Variants in STPG4 observed in about 807,000 individuals in gnomAD.
The protein encoded by STPG4 is protein STPG4.
STPG4 carries 41 observed loss-of-function variants against 31.5 expected under a neutral mutation model. That is an observed-to-expected ratio of 1.30 (90% CI 1.01 to 1.69). The LOEUF (loss-of-function observed/expected upper bound fraction) is 1.69. Among genes scored for constraint, STPG4 ranks in the 40% most tolerant of loss-of-function variants. The pLI, the probability that STPG4 is intolerant of heterozygous loss-of-function variation, is 0.00. For missense variants in STPG4, 375 were observed against 293.4 expected, an observed-to-expected ratio of 1.28 and a Z score of -2.03; for synonymous variants, 141 against 103.0, an observed-to-expected ratio of 1.37 and a Z score of -2.24.
In STPG4 at chr2:47,120,100, G is replaced by A. The variant is rs537350782; in HGVS notation, c.519+9841C>T. On this transcript the variant is annotated intron_variant, in intron 5 of 6. Transcript: ENST00000445927. ...AATCCCAGCCCTTTGGGAGGCTAAC[G>A]TGGGTGGATCACTTAAGGTCAGGAG... Among the ~76,000 whole-genome samples the A allele has an allele frequency of 7.9e-5, 12 of 152,328 alleles. No homozygotes were observed. The East Asian group carries it at 1.9e-3, about 25-fold the overall frequency.
chr2:47,132,781 C>T (rs1419981349), intron 3 of STPG4, among the ~76,000 whole-genome samples: 3 of 151,960 alleles, frequency 2.0e-5, no homozygotes, highest in South Asian at 2.1e-4. Flanking sequence ...CTCTCTCTCT[C>T]GCACATACAC....
chr2:47,142,293 G>C (rs377729297), intron 3 of STPG4, among the ~76,000 whole-genome samples: 3 of 152,020 alleles, frequency 2.0e-5, no homozygotes, highest in African/African-American at 7.2e-5. Flanking sequence ...AGATACAGGG[G>C]CAGGGAGGGA....
chr2:47,112,297 GC>G (rs1686054260), intron 5 of STPG4, among the ~76,000 whole-genome samples: 1 of 152,012 alleles, frequency 6.6e-6, no homozygotes, highest in African/African-American at 2.4e-5. Context: ...CTCCCAAGTA[GC>G]TGGGATTACA....
At chr2:47,137,655 T>C (rs867492625) in intron 3 of STPG4, among the ~76,000 whole-genome samples, 4 of 152,236 alleles carry the variant, frequency 2.6e-5, no homozygotes, top group Non-Finnish European at 4.4e-5. Context: ...TTCAATTTAA[T>C]AGATATAGGC....
intron 5 of STPG4, among the ~76,000 whole-genome samples, chr2:47,095,121 C>T (rs1340420663): frequency 6.6e-6 from 1 of 152,192 alleles, no homozygotes; most frequent in African/African-American, 2.4e-5. Context: ...CTGTGAATTT[C>T]CATTGTGTTG....
At chr2:47,090,247 G>A (rs769151469) in intron 6 of STPG4, 23 bp downstream of exon 6, 359 of 1,499,736 alleles carry the variant, frequency 2.4e-4, no homozygotes, top group Non-Finnish European at 3.1e-4. Flanking sequence ...GGTGGGGGGC[G>A]ATCTGTCTTT....
intron 5 of STPG4, among the ~76,000 whole-genome samples, chr2:47,120,010 T>G (rs1023983308): frequency 1.3e-5 from 2 of 152,054 alleles, no homozygotes; most frequent in Non-Finnish European, 2.9e-5. Flanking sequence ...TGATTTGCAG[T>G]TGGATAAAAA....
chr2:47,087,346 G>T (rs550859953), intron 6 of STPG4, among the ~76,000 whole-genome samples: 2 of 152,228 alleles, frequency 1.3e-5, no homozygotes, highest in Admixed American at 6.5e-5. Context: ...GAGGCTGGAG[G>T]GGGGCTAACA....
At chr2:47,105,004 A>C (rs1287478030) in intron 5 of STPG4, among the ~76,000 whole-genome samples, 1 of 151,928 alleles carries the variant, frequency 6.6e-6, no homozygotes, top group African/African-American at 2.4e-5. Flanking sequence ...ATACAGTGAG[A>C]TAGCCAGACC....
chr2:47,129,838 G>C, intron 5 of STPG4, 103 bp downstream of exon 5: 2 of 1,423,150 alleles, frequency 1.4e-6, no homozygotes, highest in Non-Finnish European at 9.6e-7. Context: ...TAGGGGGAAC[G>C]ATCACTGGAG....
At chr2:47,137,544 G>A (rs930136480) in intron 3 of STPG4, among the ~76,000 whole-genome samples, 7 of 152,180 alleles carry the variant, frequency 4.6e-5, no homozygotes, top group Non-Finnish European at 1.0e-4. Flanking sequence ...AAAGGGATTA[G>A]TAAAGAATTG....
chr2:47,104,740 T>C (rs1685869083), intron 5 of STPG4, among the ~76,000 whole-genome samples: 1 of 151,896 alleles, frequency 6.6e-6, no homozygotes, highest in Non-Finnish European at 1.5e-5. Flanking sequence ...GGCTACCAGT[T>C]TGGAAGCCTC....
intron 3 of STPG4, among the ~76,000 whole-genome samples, chr2:47,148,734 A>C (rs894707617): frequency 6.6e-6 from 1 of 151,804 alleles, no homozygotes; most frequent in South Asian, 2.1e-4. Context: ...CCTGTGTCCA[A>C]GTGTTCTCAT....
chr2:47,115,854 G>A (rs531557307), intron 5 of STPG4, among the ~76,000 whole-genome samples: 5 of 151,932 alleles, frequency 3.3e-5, no homozygotes, highest in African/African-American at 7.3e-5. Flanking sequence ...GGGTTTCACC[G>A]TGTTCCCCAG....
At chr2:47,121,447 G>A (rs1686270700) in intron 5 of STPG4, among the ~76,000 whole-genome samples, 1 of 152,138 alleles carries the variant, frequency 6.6e-6, no homozygotes, top group South Asian at 2.1e-4. Context: ...GGAAGCTGAT[G>A]AGTCGTTTTG....
intron 5 of STPG4, among the ~76,000 whole-genome samples, chr2:47,115,312 T>G (rs1686123083): frequency 6.6e-6 from 1 of 152,138 alleles, no homozygotes; most frequent in South Asian, 2.1e-4. Flanking sequence ...TCACTACTCC[T>G]CTCCCAGATT....
chr2:47,118,999 G>A (rs1455824697), intron 5 of STPG4, among the ~76,000 whole-genome samples: 1 of 152,142 alleles, frequency 6.6e-6, no homozygotes, highest in Non-Finnish European at 1.5e-5. Flanking sequence ...TCGTATAAAA[G>A]CTGAATGGCA....
chr2:47,110,759 C>T lies in STPG4; in HGVS notation c.519+19182G>A, dbSNP rs1686017069. Among the ~76,000 whole-genome samples the T allele has an allele frequency of 2.6e-5, 4 of 152,164 alleles. No individual in the cohort carries two copies. In the South Asian group the frequency reaches 8.3e-4, roughly 32 times the overall value. ...TTCTGACATTAATCACAATACATAT[C>T]TCAATTTGATCCTGCATTTTTCACT... On this transcript the variant is annotated intron_variant, in intron 5 of 6. Transcript: ENST00000445927.
At chr2:47,120,256 G>A (rs1016185171) in intron 5 of STPG4, among the ~76,000 whole-genome samples, 5 of 152,170 alleles carry the variant, frequency 3.3e-5, no homozygotes, top group African/African-American at 9.7e-5. Flanking sequence ...ACTTGAACCC[G>A]GGAGGTGGAG....
Sources: gnomAD v4.1 joint callset for allele counts (sites outside exome capture counted in the v4.1 genomes callset) on GRCh38, gnomAD v4.1.1 for gene constraint, MANE v1.5 for transcripts, NCBI Gene and HGNC (gene_info 2026-07-23, HGNC 2026-07-21) for gene names.